Variants in LYPLAL1 observed in about 807,000 individuals in gnomAD.
LYPLAL1 encodes the protein lysophospholipase like 1, also known as lysophospholipase-like protein 1.
A neutral mutation model predicts 19.7 loss-of-function variants in LYPLAL1; 23 were observed. That is an observed-to-expected ratio of 1.17 (90% CI 0.84 to 1.65). The LOEUF (loss-of-function observed/expected upper bound fraction) is 1.65, where lower values mean the gene tolerates loss of function less well. Among genes scored for constraint, LYPLAL1 ranks in the 40% most tolerant of loss-of-function variants. The pLI is 0.00. For missense variants in LYPLAL1, 355 were observed against 279.4 expected, an observed-to-expected ratio of 1.27 and a Z score of -1.93; for synonymous variants, 119 against 96.3, an observed-to-expected ratio of 1.24 and a Z score of -1.38.
chr1:219,339,706 C>G, the LYPLAL1 span, among the ~76,000 whole-genome samples: 3 of 151,960 alleles, frequency 2.0e-5, no homozygotes, highest in Admixed American at 1.3e-4. Flanking sequence ...TTTAGAAAAC[C>G]TTTGGGCAAT....
At chr1:219,190,981 G>A (rs1558229222) in intron 2 of LYPLAL1, among the ~76,000 whole-genome samples, 1 of 151,492 alleles carries the variant, frequency 6.6e-6, no homozygotes, top group African/African-American at 2.4e-5. Context: ...ATTGTAAAAA[G>A]TAATTGAACT....
At chr1:219,192,086 G>A (rs1009492572) in intron 2 of LYPLAL1, among the ~76,000 whole-genome samples, 1 of 151,350 alleles carries the variant, frequency 6.6e-6, no homozygotes, top group African/African-American at 2.4e-5. Context: ...TTCCCTTCCA[G>A]CACCACCCAC....
At chr1:219,200,707 G>T in intron 3 of LYPLAL1, 1 of 238,516 alleles carries the variant, frequency 4.2e-6, no homozygotes, top group East Asian at 1.1e-4. Context: ...ATCTTGATCT[G>T]CTTGCTCTTC....
intron 3 of LYPLAL1, among the ~76,000 whole-genome samples, chr1:219,197,592 C>T (rs1036048909): frequency 2.6e-5 from 4 of 152,088 alleles, no homozygotes; most frequent in South Asian, 2.1e-4. Flanking sequence ...ATGAAAATTT[C>T]AAAAGCAATA....
chr1:219,301,866 T>C, the LYPLAL1 span, among the ~76,000 whole-genome samples: 122 of 152,344 alleles, frequency 8.0e-4, 1 homozygote, highest in African/African-American at 2.9e-3. Context: ...AAGTGGCCAG[T>C]AACTAATTCT....
At chr1:219,200,935 A>T (rs1658046420) in intron 3 of LYPLAL1, among the ~76,000 whole-genome samples, 1 of 152,214 alleles carries the variant, frequency 6.6e-6, no homozygotes, top group Non-Finnish European at 1.5e-5. Context: ...GAGAGCCAAT[A>T]TGAATTTTGA....
Position 219,181,987 on chromosome 1 carries a change from GTATT to G in LYPLAL1, c.191+2745_191+2748del, listed in dbSNP as rs923092520. 9.2e-4 allele frequency among the ~76,000 whole-genome samples: 140 copies of G among 152,176 alleles called. 1 individual carries two copies. Among genetic ancestry groups the G allele is most frequent in the African/African-American group, 2.6e-3 (106 of 41,524 alleles). The stretch of plus-strand genomic sequence containing the variant: ...GTGTAATAGGAATGAGTAATTGTGG[GTATT>G]TATATATAATACTAATATTTTAATT... On this transcript the variant is annotated intron_variant, in intron 2 of 4. Coordinates refer to ENST00000366928, the MANE Select transcript of LYPLAL1 (RefSeq NM_138794.5).
chr1:219,194,610 A>G (rs1345411991), intron 3 of LYPLAL1, among the ~76,000 whole-genome samples: 1 of 152,012 alleles, frequency 6.6e-6, no homozygotes, highest in Non-Finnish European at 1.5e-5. Context: ...TTCAAAGCCA[A>G]TGATAGTATA....
chr1:219,193,354 C>T (rs374068933), intron 3 of LYPLAL1, 103 bp downstream of exon 3: 80 of 774,016 alleles, frequency 1.0e-4, no homozygotes, highest in South Asian at 8.0e-4. Flanking sequence ...GTATATCATT[C>T]GATGCATTCA....
At chr1:219,380,109 A>G in the LYPLAL1 span, among the ~76,000 whole-genome samples, 1 of 152,262 alleles carries the variant, frequency 6.6e-6, no homozygotes, top group Non-Finnish European at 1.5e-5. Context: ...TATAGTTATC[A>G]TCTTTAGCAT....
the LYPLAL1 span, among the ~76,000 whole-genome samples, chr1:219,363,475 A>G: frequency 2.0e-5 from 3 of 152,108 alleles, no homozygotes; most frequent in Admixed American, 2.0e-4. Flanking sequence ...CCTTTTTTTG[A>G]CATAGCTATT....
At chr1:219,390,002 T>G in the LYPLAL1 span, among the ~76,000 whole-genome samples, 16,460 of 151,996 alleles carry the variant, frequency 0.11, 922 homozygotes, top group Middle Eastern at 0.12. Flanking sequence ...TGCTCCCGAA[T>G]TGCCACTTTC....
chr1:219,298,812 A>G, the LYPLAL1 span, among the ~76,000 whole-genome samples: 8 of 152,336 alleles, frequency 5.3e-5, no homozygotes, highest in African/African-American at 9.6e-5. Flanking sequence ...AGTGATAATA[A>G]TCTTTTTTGA....
Position 219,179,179 on chromosome 1 carries a change from A to G in LYPLAL1, c.124A>G (p.Lys42Glu), listed in dbSNP as rs762119924. 27 of 1,612,540 alleles carry G rather than the reference A, an allele frequency of 1.7e-5. No individual in the cohort carries two copies. The South Asian group carries it at 2.8e-4, about 16-fold the overall frequency. The change falls in exon 2 of 5, where the codon AAG becomes GAG. Residue 42 changes from lysine to glutamate, a missense_variant. Physicochemically the swap from Lys to Glu is moderately conservative, Grantham distance 56 (BLOSUM62 1). Coordinates refer to ENST00000366928, the MANE Select transcript of LYPLAL1 (RefSeq NM_138794.5). ...DSGQGLRMWI[K>E]QVLNQDLTFQ... The stretch of plus-strand genomic sequence containing the variant: ...TGGACAAGGATTAAGAATGTGGATC[A>G]AGCAGGTTTTAAATCAAGATTTAAC...
the LYPLAL1 span, among the ~76,000 whole-genome samples, chr1:219,354,223 G>T: frequency 6.6e-6 from 1 of 152,262 alleles, no homozygotes; most frequent in South Asian, 2.1e-4. Context: ...TTGAGATGCA[G>T]TCTTGCTCTG....
the LYPLAL1 span, among the ~76,000 whole-genome samples, chr1:219,244,937 C>T: frequency 6.8e-6 from 1 of 148,038 alleles, no homozygotes; most frequent in African/African-American, 2.5e-5. Flanking sequence ...ACAAAAAACA[C>T]TTGCCATAAA....
the LYPLAL1 span, among the ~76,000 whole-genome samples, chr1:219,310,480 A>G: frequency 2.6e-5 from 4 of 152,330 alleles, no homozygotes; most frequent in African/African-American, 9.6e-5. Flanking sequence ...GAAAGCAGGA[A>G]CAAACAGATC....
In LYPLAL1 at chr1:219,208,955, C is replaced by T. The variant is rs1031330678; in HGVS notation, c.362-1577C>T. On this transcript the variant is annotated intron_variant, in intron 3 of 4. Coordinates refer to ENST00000366928, the MANE Select transcript of LYPLAL1 (RefSeq NM_138794.5). ...GGGACATGTCAAAGATTTATTAATG[C>T]ACAAATTCATGGATAATGTAGCCCA... 2.6e-5 allele frequency among the ~76,000 whole-genome samples: 4 copies of T among 152,030 alleles called. No individual in the cohort carries two copies. The South Asian group carries it at 6.2e-4, about 24-fold the overall frequency.
At chr1:219,223,671 T>G in the LYPLAL1 span, among the ~76,000 whole-genome samples, 1 of 152,180 alleles carries the variant, frequency 6.6e-6, no homozygotes, top group African/African-American at 2.4e-5. Flanking sequence ...AATCATATTT[T>G]GGGCAAAATG....
Sources: allele counts gnomAD v4.1 joint callset (sites outside exome capture counted in the v4.1 genomes callset), GRCh38; gene constraint gnomAD v4.1.1; transcripts MANE v1.5; gene names NCBI Gene and HGNC (gene_info 2026-07-23, HGNC 2026-07-21).